The following AKAP9 variants were observed in gnomAD, a reference collection of about 807,000 sequenced individuals.
The protein encoded by AKAP9 is A-kinase anchor protein 9.
A neutral mutation model predicts 488.5 loss-of-function variants in AKAP9; 311 were observed. That is an observed-to-expected ratio of 0.64 (90% CI 0.58 to 0.70). AKAP9 has a LOEUF of 0.70. Among genes scored for constraint, AKAP9 ranks in the 30% least tolerant of loss-of-function variants. The pLI is 0.00. For synonymous variants in AKAP9, 1,462 were observed against 1,483.5 expected (o/e 0.99, Z 0.33); for missense variants, 4,215 against 4,374.5 (o/e 0.96, Z 1.03).
At chr7:91,993,651 A>G (rs906220082) in intron 5 of AKAP9, among the ~76,000 whole-genome samples, 1 of 152,216 alleles carries the variant, frequency 6.6e-6, no homozygotes, top group East Asian at 1.9e-4. Context: ...TTGTCTTTAT[A>G]CATTGCATAA....
At chr7:92,105,270 T>G (rs921289039) in intron 46 of AKAP9, among the ~76,000 whole-genome samples, 5 of 152,196 alleles carry the variant, frequency 3.3e-5, no homozygotes, top group Admixed American at 6.5e-5. Context: ...CAGCACATTC[T>G]TATTGCCAAT....
At chr7:92,034,638 T>C (rs938299428) in intron 16 of AKAP9, among the ~76,000 whole-genome samples, 1 of 150,218 alleles carries the variant, frequency 6.7e-6, no homozygotes, top group African/African-American at 2.4e-5. Flanking sequence ...GTAGCTGGGA[T>C]TGCAGGCACG....
intron 14 of AKAP9, among the ~76,000 whole-genome samples, chr7:92,024,758 A>G (rs1438895678): frequency 6.6e-6 from 1 of 152,162 alleles, no homozygotes. Context: ...TGTAGCGCGG[A>G]TGTCTTCCTA....
At position 92,098,153 on chromosome 7, in the gene AKAP9, A is replaced by G; in HGVS notation, c.10652A>G (p.Gln3551Arg). ...GATGATGAAGATTTCATTTGGGTTC[A>G]GGAAAATATTGATGAAATTATTTTA... ...TADDEDFIWV[Q>R]ENIDEIILQL... Residue 3551 changes from glutamine to arginine, a missense_variant, in exon 43 of 50, where the codon CAG becomes CGG. Transcript: ENST00000356239. 6.2e-7 allele frequency: 1 copy of G among 1,613,076 alleles called. No individual in the cohort carries two copies. Among genetic ancestry groups the G allele is most frequent in the African/African-American group, 1.3e-5 (1 of 75,026 alleles).
chr7:92,024,486 A>AG (rs1802806670), intron 14 of AKAP9, among the ~76,000 whole-genome samples: 1 of 150,600 alleles, frequency 6.6e-6, no homozygotes, highest in Non-Finnish European at 1.5e-5. Context: ...GTAAATTTGG[A>AG]GGGGGTAGAT....
Position 92,001,752 on chromosome 7 carries a change from A to G in AKAP9, c.1835A>G (p.Asp612Gly). Reference sequence around the variant, plus strand: ...GAAAAAGAAAAGAATGCTGTGTTAGACAGAATGGCTGAATCACAAGAAGCT... The same window carrying G: ...GAAAAAGAAAAGAATGCTGTGTTAGGCAGAATGGCTGAATCACAAGAAGCT... ...MLEKEKNAVL[D>G]RMAESQEAEL... Residue 612 changes from aspartate to glycine, a missense_variant, in exon 8 of 50, where the codon GAC becomes GGC. Coordinates refer to ENST00000356239, the MANE Select transcript of AKAP9 (RefSeq NM_005751.5). The G allele has an allele frequency of 6.2e-7, 1 of 1,613,418 alleles. No homozygotes were observed. Among genetic ancestry groups the G allele is most frequent in the Non-Finnish European group, 8.5e-7 (1 of 1,179,812 alleles).
chr7:92,100,943 C>G lies in AKAP9; in HGVS notation c.10984C>G (p.Leu3662Val). ...AGTATGGAACAGAGAAAAATTGACT[C>G]TCCAGAAATCTTTGAAAAGGGCAGA... ...KEVWNREKLTLQKSLKRAEAE... is the reference protein window; with the variant it reads ...KEVWNREKLTVQKSLKRAEAE... The change falls in exon 45 of 50, where the codon CTC becomes GTC. Residue 3662 changes from leucine (L) to valine (V), a missense_variant. This residue lies in a region of AKAP9 where 74 missense variants were observed against 113.0 expected (regional missense o/e 0.65). Transcript: ENST00000356239. 6.2e-7 allele frequency: 1 copy of G among 1,614,128 alleles called. No homozygotes were observed. The highest frequency in any genetic ancestry group is 8.5e-7 in the Non-Finnish European group (1 of 1,180,014).
At chr7:92,042,948 A>C in intron 20 of AKAP9, 177 bp downstream of exon 20, 1 of 436,350 alleles carries the variant, frequency 2.3e-6, no homozygotes, top group Admixed American at 3.7e-5. Flanking sequence ...TCAGTTTTTC[A>C]TCATTAAATA....
chr7:92,061,858 G>A (rs1050584137), intron 23 of AKAP9, among the ~76,000 whole-genome samples: 6 of 151,838 alleles, frequency 4.0e-5, no homozygotes, highest in African/African-American at 1.5e-4. Context: ...CTCCTCTGCT[G>A]TTATGGGTGT....
At chr7:92,089,320 C>T in intron 37 of AKAP9, 65 bp from the exon 38 acceptor site, 1 of 1,569,130 alleles carries the variant, frequency 6.4e-7, no homozygotes, top group Admixed American at 1.7e-5. Context: ...CTTTAGATTT[C>T]TTGGTTGTTA....
rs1252225136 is a variant in AKAP9, at chr7:92,002,326, G to A, written c.2409G>A (p.Leu803=). 1 of 1,612,854 alleles carries A rather than the reference G, an allele frequency of 6.2e-7. No homozygotes were observed. The highest frequency in any genetic ancestry group is 1.1e-5 in the South Asian group (1 of 90,928). The change falls in exon 8 of 50, where the codon TTG becomes TTA. Residue 803 remains leucine (L), a synonymous_variant. Transcript: ENST00000356239. ...CTCCTGTTAGCCAAGAAGAAAGATTGATTTTCTTAGACTCCATTAAGTCCA... is the reference window on the plus strand; with the variant it reads ...CTCCTGTTAGCCAAGAAGAAAGATTAATTTTCTTAGACTCCATTAAGTCCA... ...IHTPVSQEER[L]IFLDSIKSKS...
In AKAP9 at chr7:92,110,467, A is replaced by G. The variant is rs753135835; in HGVS notation, c.*308A>G. On this transcript the variant is annotated 3_prime_UTR_variant, in exon 50 of 50. Coordinates refer to ENST00000356239, the MANE Select transcript of AKAP9 (RefSeq NM_005751.5). The stretch of plus-strand genomic sequence containing the variant: ...AAAGATTAAACTTTTACGCATTACA[A>G]TACTGCTGAATGTGTAGCTCGAGGT... The G allele has an allele frequency of 5.7e-5, 23 of 402,138 alleles. 1 individual carries two copies. The highest frequency in any genetic ancestry group is 1.4e-3 in the Middle Eastern group (2 of 1,422). 24.9% of individuals were successfully genotyped at this position (402,138 alleles called of 1,614,324 possible).
chr7:92,005,121 T>TA (rs1248772747), intron 8 of AKAP9, among the ~76,000 whole-genome samples: 1 of 152,236 alleles, frequency 6.6e-6, no homozygotes, highest in Non-Finnish European at 1.5e-5. Flanking sequence ...GGATTACACT[T>TA]ACTGATTTGC....
At chr7:92,108,126 G>A (rs1818826211) in intron 48 of AKAP9, among the ~76,000 whole-genome samples, 1 of 152,040 alleles carries the variant, frequency 6.6e-6, no homozygotes, top group Non-Finnish European at 1.5e-5. Context: ...TAGCAAACAA[G>A]CTGACCAAGT....
chr7:92,046,739 C>T (rs912046192), intron 21 of AKAP9, among the ~76,000 whole-genome samples: 6 of 152,118 alleles, frequency 3.9e-5, no homozygotes, highest in African/African-American at 1.4e-4. Context: ...GTAACATTTT[C>T]TTGGTCTGAT....
intron 3 of AKAP9, among the ~76,000 whole-genome samples, chr7:91,986,485 G>A (rs542590539): frequency 2.6e-5 from 4 of 152,184 alleles, no homozygotes; most frequent in Non-Finnish European, 4.4e-5. Context: ...TGTCGCTCAC[G>A]CTGGGAGCTG....
intron 12 of AKAP9, among the ~76,000 whole-genome samples, chr7:92,020,477 C>A (rs530638904): frequency 6.6e-6 from 1 of 152,274 alleles, no homozygotes; most frequent in Non-Finnish European, 1.5e-5. Context: ...ACAGTACAGG[C>A]CTTGCTTATC....
intron 7 of AKAP9, 94 bp downstream of exon 7, chr7:91,995,894 C>A: frequency 1.2e-6 from 1 of 842,748 alleles, no homozygotes; most frequent in South Asian, 1.6e-5. Context: ...GCACATGAAT[C>A]ACAAAATTTC....
intron 1 of AKAP9, among the ~76,000 whole-genome samples, chr7:91,959,258 T>C (rs1207891058): frequency 2.0e-5 from 3 of 152,082 alleles, no homozygotes; most frequent in African/African-American, 7.2e-5. Flanking sequence ...GGACCTGATA[T>C]TCACCTTGGT....
Sources: allele counts gnomAD v4.1 joint callset (sites outside exome capture counted in the v4.1 genomes callset), GRCh38; gene constraint gnomAD v4.1.1; regional missense constraint gnomAD v4.1.1; transcripts MANE v1.5; gene names NCBI Gene and HGNC (gene_info 2026-07-23, HGNC 2026-07-21).